ANKRD12: variants seen among roughly 807,000 people sequenced by gnomAD.
ANKRD12 encodes the protein ankyrin repeat domain-containing protein 12.
A neutral mutation model predicts 183.4 loss-of-function variants in ANKRD12; 85 were observed. That is an observed-to-expected ratio of 0.46 (90% CI 0.39 to 0.56). The LOEUF is 0.56. ANKRD12 is among the 20% of genes least tolerant of loss of function. The pLI, the probability that ANKRD12 is intolerant of heterozygous loss-of-function variation, is 0.00. For synonymous variants in ANKRD12, 914 were observed against 800.2 expected (o/e 1.14, Z -2.40); for missense variants, 2,405 against 2,357.1 (o/e 1.02, Z -0.42).
intron 3 of ANKRD12, 132 bp from the exon 4 acceptor site, chr18:9,204,344 T>C (rs1435758902): frequency 1.4e-6 from 1 of 693,294 alleles, no homozygotes; most frequent in Non-Finnish European, 2.4e-6. Flanking sequence ...TTGGCTTTAC[T>C]TTAAAAATAA....
At chr18:9,215,979 A>G (rs113747131) in intron 6 of ANKRD12, among the ~76,000 whole-genome samples, 5 of 150,704 alleles carry the variant, frequency 3.3e-5, no homozygotes, top group African/African-American at 1.2e-4. Flanking sequence ...AAACAGATTG[A>G]CCTTAGAGGG....
intron 1 of ANKRD12, chr18:9,137,778 G>A (rs750727426): frequency 1.3e-5 from 2 of 152,244 alleles, no homozygotes; most frequent in Non-Finnish European, 2.9e-5. Flanking sequence ...AAGACCCCTG[G>A]AGCACGTCAG....
At chr18:9,183,378 A>G (rs994863628) in intron 2 of ANKRD12, among the ~76,000 whole-genome samples, 41 of 152,138 alleles carry the variant, frequency 2.7e-4, no homozygotes, top group Admixed American at 2.0e-3. Flanking sequence ...ATCCATGAAC[A>G]TGGAATAGCT....
At chr18:9,140,537 G>A (rs941983234) in intron 1 of ANKRD12, among the ~76,000 whole-genome samples, 14 of 152,120 alleles carry the variant, frequency 9.2e-5, no homozygotes, top group African/African-American at 3.4e-4. Flanking sequence ...AACAGACAGT[G>A]GCTTTTTAAA....
chr18:9,161,890 G>A (rs2031477851), intron 1 of ANKRD12, among the ~76,000 whole-genome samples: 1 of 150,494 alleles, frequency 6.6e-6, no homozygotes, highest in Non-Finnish European at 1.5e-5. Flanking sequence ...TAGAGACAGG[G>A]TCTCACTCTG....
chr18:9,239,318 TAGAA>T (rs1320307545), intron 8 of ANKRD12, among the ~76,000 whole-genome samples: 1 of 152,234 alleles, frequency 6.6e-6, no homozygotes, highest in East Asian at 1.9e-4. Flanking sequence ...AACTTGCTTT[TAGAA>T]AGAAGTGCTG....
At chr18:9,204,872 G>C (rs1290582536) in intron 4 of ANKRD12, among the ~76,000 whole-genome samples, 1 of 152,146 alleles carries the variant, frequency 6.6e-6, no homozygotes, top group Non-Finnish European at 1.5e-5. Flanking sequence ...GACTCCTATG[G>C]GAAGATCCCC....
At chr18:9,170,641 C>T (rs1397916397) in intron 1 of ANKRD12, among the ~76,000 whole-genome samples, 1 of 152,018 alleles carries the variant, frequency 6.6e-6, no homozygotes, top group Non-Finnish European at 1.5e-5. Flanking sequence ...AACTTCTTTG[C>T]CATTGGTTTG....
intron 2 of ANKRD12, among the ~76,000 whole-genome samples, chr18:9,184,420 TTG>T (rs2033908522): frequency 6.6e-6 from 1 of 152,130 alleles, no homozygotes; most frequent in Non-Finnish European, 1.5e-5. Flanking sequence ...AGACAGAATT[TTG>T]CTCTCTTACC....
At chr18:9,263,940 A>T (rs1407381714) in intron 10 of ANKRD12, 52 bp downstream of exon 10, 2 of 1,242,612 alleles carry the variant, frequency 1.6e-6, no homozygotes, top group East Asian at 2.7e-5. Flanking sequence ...GTTTCTAGCA[A>T]TAAATTAAAA....
At position 9,255,009 on chromosome 18, in the gene ANKRD12, T is replaced by C. The variant is rs373478347; in HGVS notation, c.1742T>C (p.Val581Ala). 155 of 1,608,090 alleles carry C rather than the reference T, an allele frequency of 9.6e-5. No homozygotes were observed. Among genetic ancestry groups the C allele is most frequent in the Non-Finnish European group, 1.3e-4 (151 of 1,177,976 alleles). The change falls in exon 9 of 13, where the codon GTT becomes GCT. Residue 581 changes from valine to alanine, a missense_variant. Val to Ala is a moderately conservative substitution (Grantham distance 64). This residue lies in a region of ANKRD12 where 1,983 missense variants were observed against 1,725.9 expected (regional missense o/e 1.15). Transcript: ENST00000262126. ...GAAATGTCATTACAGCCTGATCTTG[T>C]TCGGTATGATAATACAGAATCTGAA... ...SSEMSLQPDL[V>A]RYDNTESEFL...
chr18:9,222,773 C>T (rs1348240749), intron 8 of ANKRD12, among the ~76,000 whole-genome samples: 3 of 152,202 alleles, frequency 2.0e-5, no homozygotes, highest in Admixed American at 6.5e-5. Context: ...AAGTTCTACC[C>T]TTTATTTTCA....
intron 3 of ANKRD12, among the ~76,000 whole-genome samples, chr18:9,197,940 T>C (rs2144455126): frequency 6.6e-6 from 1 of 152,352 alleles, no homozygotes; most frequent in East Asian, 1.9e-4. Context: ...ACGTCTTTGG[T>C]TTAACATATC....
chr18:9,159,174 A>G (rs546756638), intron 1 of ANKRD12, among the ~76,000 whole-genome samples: 64 of 152,310 alleles, frequency 4.2e-4, no homozygotes, highest in Middle Eastern at 3.4e-3. Flanking sequence ...GCTTCTTGCT[A>G]CTGGGCTGTT....
chr18:9,247,674 T>C (rs2038043151), intron 8 of ANKRD12, among the ~76,000 whole-genome samples: 1 of 152,216 alleles, frequency 6.6e-6, no homozygotes, highest in Non-Finnish European at 1.5e-5. Flanking sequence ...CCCCCTCCTT[T>C]CTTTCCTATG....
chr18:9,278,775 C>T (rs1465037592), intron 11 of ANKRD12, among the ~76,000 whole-genome samples: 2 of 151,440 alleles, frequency 1.3e-5, no homozygotes, highest in African/African-American at 2.4e-5. Context: ...CAGAGAGAGA[C>T]TCCATCTCAA....
Position 9,283,994 on chromosome 18 carries a change from G to A in ANKRD12, c.*2868G>A, listed in dbSNP as rs1018374046. 3 of 152,160 alleles carry A rather than the reference G, an allele frequency of 2.0e-5. No homozygotes were observed. Among genetic ancestry groups the A allele is most frequent in the African/African-American group, 2.4e-5 (1 of 41,432 alleles). 9.4% of individuals were successfully genotyped at this position (152,160 alleles called of 1,614,324 possible). On this transcript the variant is annotated 3_prime_UTR_variant, in exon 13 of 13. Coordinates refer to ENST00000262126, the MANE Select transcript of ANKRD12 (RefSeq NM_015208.5). ...AGTAAAGCAAATACCACAACAAAGC[G>A]AGTCAGGAGGAATTTTTTGGTTTCC...
At chr18:9,201,413 C>T (rs754028270) in intron 3 of ANKRD12, among the ~76,000 whole-genome samples, 1 of 152,086 alleles carries the variant, frequency 6.6e-6, no homozygotes, top group Non-Finnish European at 1.5e-5. Context: ...TCTTCTTGGC[C>T]CTCAAACTTA....
chr18:9,228,911 CTTT>C (rs35586900), intron 8 of ANKRD12, among the ~76,000 whole-genome samples: 1 of 148,126 alleles, frequency 6.8e-6, no homozygotes. Flanking sequence ...TTTCCATGTG[CTTT>C]TTTTTTTTTA....
Sources: allele counts gnomAD v4.1 joint callset (sites outside exome capture counted in the v4.1 genomes callset), GRCh38; gene constraint gnomAD v4.1.1; regional missense constraint gnomAD v4.1.1; transcripts MANE v1.5; gene names NCBI Gene and HGNC (gene_info 2026-07-23, HGNC 2026-07-21).